The following DGCR8 variants were observed in gnomAD, a reference collection of about 807,000 sequenced individuals.
The protein encoded by DGCR8 is DGCR8 microprocessor complex subunit, also known as microprocessor complex subunit DGCR8.
Under a neutral mutation model 78.5 loss-of-function variants are expected in DGCR8, and 14 were observed. The observed-to-expected ratio is 0.18, with a 90% CI of 0.12 to 0.28. The LOEUF is 0.28. Among genes scored for constraint, DGCR8 ranks in the 10% least tolerant of loss-of-function variants. The pLI is 1.00. For synonymous variants in DGCR8, 399 were observed against 402.4 expected (o/e 0.99, Z 0.10); for missense variants, 702 against 1,022.5 (o/e 0.69, Z 4.28).
At chr22:20,090,783 T>C (rs2049547586) in intron 5 of DGCR8, among the ~76,000 whole-genome samples, 1 of 152,240 alleles carries the variant, frequency 6.6e-6, no homozygotes, top group Non-Finnish European at 1.5e-5. Context: ...GTCTTAGTTC[T>C]CTCTTCAGGT....
chr22:20,090,109 C>T lies in DGCR8; in HGVS notation c.1157C>T (p.Ala386Val), dbSNP rs771134674. The T allele has an allele frequency of 6.2e-7, 1 of 1,614,250 alleles. No individual in the cohort carries two copies. Reference protein sequence around the residue: ...VSPVKPLSRSAELEFPLDEPD... With the variant: ...VSPVKPLSRSVELEFPLDEPD... ...CCCGTCAAGCCCCTGAGCCGATCTGCAGAGCTGGAGTTTCCCCTGGATGAG... is the reference window on the plus strand; with the variant it reads ...CCCGTCAAGCCCCTGAGCCGATCTGTAGAGCTGGAGTTTCCCCTGGATGAG... Residue 386 changes from alanine (A) to valine (V), a missense_variant, in exon 5 of 14, where the codon GCA (alanine) becomes GTA (valine). Transcript: ENST00000351989.
chr22:20,096,524 T>C (rs2049630526), intron 9 of DGCR8: 1 of 973,024 alleles, frequency 1.0e-6, no homozygotes, highest in African/African-American at 1.8e-5. Context: ...ATAATAGCTT[T>C]ATTGAGATAG....
chr22:20,085,921 T>C lies in DGCR8; in HGVS notation c.-43T>C. 6.6e-7 allele frequency: 1 copy of C among 1,504,494 alleles called. No individual in the cohort carries two copies. The highest frequency in any genetic ancestry group is 1.3e-5 in the South Asian group (1 of 75,194). 93.2% of individuals were successfully genotyped at this position (1,504,494 alleles called of 1,614,324 possible). A position where few individuals can be genotyped will look rare whatever the true frequency, so the allele number is the denominator to read the frequency against. On this transcript the variant is annotated 5_prime_UTR_variant, in exon 2 of 14. Coordinates refer to ENST00000351989, the MANE Select transcript of DGCR8 (RefSeq NM_022720.7). The surrounding 1 kb of genome is among the most constrained non-coding windows in gnomAD (Gnocchi z 6.2). ...AGCTGTGTAGATTTATGTGAGGGCT[T>C]GTAAAACTCTGGTCTTGTAAACTAG...
Position 20,108,841 on chromosome 22 carries a change from C to T in DGCR8, c.2125-49C>T, listed in dbSNP as rs2286927. 4.5e-4 allele frequency: 470 copies of T among 1,044,378 alleles called. 1 individual carries two copies. In the East Asian group the frequency reaches 7.0e-3, roughly 16 times the overall value. 64.7% of individuals were successfully genotyped at this position (1,044,378 alleles called of 1,614,324 possible). A position where few individuals can be genotyped will look rare whatever the true frequency, so the allele number is the denominator to read the frequency against. ...CACAGCTGCTGGGCAGCGGGCAGGC[C>T]GTAGAGCTACAGCCTGCAGTCCTGA... On this transcript the variant is annotated intron_variant, in intron 12 of 13. Transcript: ENST00000351989.
intron 9 of DGCR8, chr22:20,101,868 C>T (rs764969787): frequency 1.9e-5 from 19 of 985,154 alleles, no homozygotes; most frequent in Admixed American, 6.2e-5. Context: ...GTGTGGACTC[C>T]GGAGGTGGGG....
chr22:20,106,453 G>A (rs937842025), intron 10 of DGCR8, 139 bp from the exon 11 acceptor site: 3 of 820,434 alleles, frequency 3.7e-6, no homozygotes, highest in African/African-American at 3.4e-5. Context: ...CGGGCGTGTG[G>A]AGAATTCCCT....
intron 1 of DGCR8, among the ~76,000 whole-genome samples, chr22:20,082,467 A>C (rs1452212414): frequency 6.6e-6 from 1 of 151,944 alleles, no homozygotes; most frequent in African/African-American, 2.4e-5. Flanking sequence ...TCCTGGGTTC[A>C]AGCCATTCTC....
chr22:20,094,283 C>T (rs979542011), intron 8 of DGCR8, among the ~76,000 whole-genome samples: 2 of 152,214 alleles, frequency 1.3e-5, no homozygotes, highest in Admixed American at 6.5e-5. Flanking sequence ...CTCCCTCTAG[C>T]GTCTCTCAGA....
rs41281423 is a variant in DGCR8 at position 20,110,207 on chromosome 22, C to T, written c.*99C>T. On this transcript the variant is annotated 3_prime_UTR_variant, in exon 14 of 14. Transcript: ENST00000351989. ...ACCACAGTGTCAGGCCTCCAACCCACGCTCCTTCCCTGTGGCCAACCTGTG... is the reference window on the plus strand; with the variant it reads ...ACCACAGTGTCAGGCCTCCAACCCATGCTCCTTCCCTGTGGCCAACCTGTG... 0.17 allele frequency: 215,302 copies of T among 1,274,158 alleles called. 20,206 individuals carry two copies. Among genetic ancestry groups the T allele is most frequent in the Middle Eastern group, 0.2 (905 of 4,506 alleles). 78.9% of individuals were successfully genotyped at this position (1,274,158 alleles called of 1,614,324 possible).
intron 9 of DGCR8, among the ~76,000 whole-genome samples, chr22:20,104,498 G>A (rs1402477236): frequency 3.3e-5 from 5 of 152,142 alleles, no homozygotes; most frequent in Non-Finnish European, 5.9e-5. Flanking sequence ...ACTTCTGAGC[G>A]TGCTCTCTAG....
intron 1 of DGCR8, among the ~76,000 whole-genome samples, chr22:20,084,329 T>C (rs2049453520): frequency 6.6e-6 from 1 of 152,234 alleles, no homozygotes; most frequent in Non-Finnish European, 1.5e-5. Flanking sequence ...TATGCACGCA[T>C]GTGCATGCAT....
intron 1 of DGCR8, chr22:20,080,686 G>A (rs2049408107): frequency 5.6e-6 from 1 of 177,958 alleles, no homozygotes; most frequent in South Asian, 1.9e-4. Context: ...GGCGGGAAAG[G>A]TGTGGACAGG....
chr22:20,086,640 A>T lies in DGCR8; in HGVS notation c.677A>T (p.Gln226Leu), dbSNP rs2049487396. 1 of 1,611,206 alleles carries T rather than the reference A, an allele frequency of 6.2e-7. No homozygotes were observed. Among genetic ancestry groups the T allele is most frequent in the African/African-American group, 1.3e-5 (1 of 74,910 alleles). The change falls in exon 2 of 14, where the codon CAG becomes CTG. Residue 226 changes from glutamine to leucine, a missense_variant. By Grantham distance (113) the Gln-to-Leu change is moderately radical (BLOSUM62 -2). This residue lies in a region of DGCR8 where 356 missense variants were observed against 448.9 expected (regional missense o/e 0.79). Transcript: ENST00000351989. The surrounding 1 kb of genome is among the most constrained non-coding windows in gnomAD (Gnocchi z 6.4). ...AGGFTAKAIV[Q>L]RDRVDEEALN... ...GGGTTCACGGCTAAAGCAATCGTTC[A>T]GAGAGACAGAGTGGATGAAGAGGCC... is the stretch of plus-strand genomic sequence containing the variant.
chr22:20,094,195 G>A (rs1377398037), intron 8 of DGCR8, among the ~76,000 whole-genome samples: 1 of 152,172 alleles, frequency 6.6e-6, no homozygotes, highest in African/African-American at 2.4e-5. Context: ...ATAGCTCTGT[G>A]GGGTCTATGG....
At chr22:20,083,421 C>G (rs536967690) in intron 1 of DGCR8, among the ~76,000 whole-genome samples, 31 of 151,464 alleles carry the variant, frequency 2.0e-4, no homozygotes, top group African/African-American at 7.5e-4. Flanking sequence ...AAGGAACTTG[C>G]CCAGGACTGC....
Position 20,089,907 on chromosome 22 carries a change from T to G in DGCR8, c.1024-69T>G. On this transcript the variant is annotated intron_variant, in intron 4 of 13. Coordinates refer to ENST00000351989, the MANE Select transcript of DGCR8 (RefSeq NM_022720.7). The surrounding 1 kb of genome is among the most constrained non-coding windows in gnomAD (Gnocchi z 4.9). ...GGCACCGCAGCCAAGCAGAGGCCGG[T>G]GAAAGGCATCAGAGTTTCAGACTCT... is the stretch of plus-strand genomic sequence containing the variant. 2 of 1,587,282 alleles carry G rather than the reference T, an allele frequency of 1.3e-6. No homozygotes were observed. The highest frequency in any genetic ancestry group is 1.7e-6 in the Non-Finnish European group (2 of 1,164,714).
At chr22:20,103,990 T>C (rs1191008328) in intron 9 of DGCR8, among the ~76,000 whole-genome samples, 1 of 152,210 alleles carries the variant, frequency 6.6e-6, no homozygotes, top group African/African-American at 2.4e-5. Context: ...ACTGATTGCT[T>C]AGGTTTCTCC....
chr22:20,096,448 CT>C (rs2049629761), intron 9 of DGCR8: 1 of 985,238 alleles, frequency 1.0e-6, no homozygotes, highest in East Asian at 1.1e-4. Flanking sequence ...AGCTGTAAAC[CT>C]TTTTGGGTAA....
chr22:20,111,449 G>A lies in DGCR8; in HGVS notation c.*1341G>A, dbSNP rs2049843640. ...CTTCCCTCACTACCTGTGTGACCAA[G>A]GTTGGCTTCTGTTGACCTTTAAAAA... On this transcript the variant is annotated 3_prime_UTR_variant, in exon 14 of 14. Coordinates refer to ENST00000351989, the MANE Select transcript of DGCR8 (RefSeq NM_022720.7). The A allele has an allele frequency of 2.5e-6, 1 of 398,062 alleles. No homozygotes were observed. Among genetic ancestry groups the A allele is most frequent in the East Asian group, 3.6e-5 (1 of 28,018 alleles). 24.7% of individuals were successfully genotyped at this position (398,062 alleles called of 1,614,324 possible).
Sources: gnomAD v4.1 joint callset for allele counts (sites outside exome capture counted in the v4.1 genomes callset) on GRCh38, gnomAD v4.1.1 for gene constraint, gnomAD v4.1.1 regional missense constraint, Gnocchi (gnomAD v3.1) non-coding constraint, MANE v1.5 for transcripts, NCBI Gene and HGNC (gene_info 2026-07-23, HGNC 2026-07-21) for gene names.